The following URB1 variants were observed in gnomAD, a reference collection of about 807,000 sequenced individuals.
URB1 encodes URB1 ribosome biogenesis factor.
Under a neutral mutation model 242.3 loss-of-function variants are expected in URB1, and 197 were observed. The ratio of observed to expected loss-of-function variants is 0.81; its 90% CI spans 0.72 to 0.91. The LOEUF is 0.91. URB1 is among the 40% of genes least tolerant of loss of function. The probability of loss-of-function intolerance (pLI) is 0.00; values close to 1 mark genes in which losing one functional copy is unlikely to be tolerated. For synonymous variants in URB1, 1,153 were observed against 1,201.8 expected, an observed-to-expected ratio of 0.96 and a Z score of 0.84; for missense variants, 2,721 against 2,860.5, an observed-to-expected ratio of 0.95 and a Z score of 1.11.
In URB1 at chr21:32,321,868, G is replaced by A; in HGVS notation, c.5417C>T (p.Ala1806Val). The A allele has an allele frequency of 6.4e-7, 1 of 1,551,718 alleles. No individual in the cohort carries two copies. Among genetic ancestry groups the A allele is most frequent in the Non-Finnish European group, 8.7e-7 (1 of 1,147,006 alleles). The change falls in exon 34 of 39, where the codon GCC (alanine) becomes GTC (valine). Residue 1806 changes from alanine (A) to valine (V), a missense_variant. Transcript: ENST00000382751. ...IRDKQCYELC[A>V]RRGIFHIILS... ...GATGATGTGGAAGATGCCACGCCGG[G>A]CACACAGTTCGTAGCACTGCTTGTC...
intron 21 of URB1, among the ~76,000 whole-genome samples, chr21:32,348,387 A>T (rs2033118859): frequency 6.6e-6 from 1 of 152,166 alleles, no homozygotes; most frequent in Non-Finnish European, 1.5e-5. Flanking sequence ...ATTGAAAGTA[A>T]TCCTGTCTCC....
intron 11 of URB1, among the ~76,000 whole-genome samples, chr21:32,362,531 A>T (rs2033300802): frequency 6.6e-6 from 1 of 152,162 alleles, no homozygotes; most frequent in African/African-American, 2.4e-5. Context: ...TAATTTCTAG[A>T]ACTATACACA....
Position 32,321,842 on chromosome 21 carries a change from G to A in URB1, c.5443C>T (p.Leu1815=). The A allele has an allele frequency of 1.3e-6, 2 of 1,551,768 alleles. No individual in the cohort carries two copies. Among genetic ancestry groups the A allele is most frequent in the Non-Finnish European group, 1.7e-6 (2 of 1,147,012 alleles). ...CARRGIFHII[L]SFFHSPLCDE... ...CACAGCGGGCTGTGGAAGAAGGACA[G>A]GATGATGTGGAAGATGCCACGCCGG... The change falls in exon 34 of 39, where the codon CTG becomes TTG. Residue 1815 remains leucine (L), a synonymous_variant. Transcript: ENST00000382751.
In URB1 at chr21:32,357,642, T is replaced by C; in HGVS notation, c.1884A>G (p.Ala628=). Residue 628 remains alanine, a synonymous_variant, in exon 15 of 39, where the codon GCA becomes GCG. Coordinates refer to ENST00000382751, the MANE Select transcript of URB1 (RefSeq NM_014825.3). ...LWLKAQEGPD[A]EIIGGERSVF... is the part of the protein sequence containing the mutation. ...CTGATCGTTCACCTCCAATAATTTCTGCATCTGGGCCTTCCTAGAGTTTAA... is the reference window on the plus strand; with the variant it reads ...CTGATCGTTCACCTCCAATAATTTCCGCATCTGGGCCTTCCTAGAGTTTAA... 1 of 1,502,932 alleles carries C rather than the reference T, an allele frequency of 6.7e-7. No homozygotes were observed. The highest frequency in any genetic ancestry group is 8.9e-7 in the Non-Finnish European group (1 of 1,126,998). 93.1% of individuals were successfully genotyped at this position (1,502,932 alleles called of 1,614,324 possible). A position where few individuals can be genotyped will look rare whatever the true frequency, so the allele number is the denominator to read the frequency against.
intron 5 of URB1, chr21:32,377,127 A>C (rs968396940): frequency 5.9e-6 from 3 of 508,572 alleles, no homozygotes; most frequent in Non-Finnish European, 1.2e-5. Context: ...GGGATAAATG[A>C]CTAGACATGG....
chr21:32,328,837 G>A (rs1892653), intron 30 of URB1, among the ~76,000 whole-genome samples: 128,170 of 152,208 alleles, frequency 0.84, 54,398 homozygotes, highest in Admixed American at 0.9. Context: ...CTGAAAACAT[G>A]ATAGGCTATT....
In URB1 at chr21:32,314,802, TG is replaced by T. The variant is rs1226289141; in HGVS notation, c.*115del. 240 of 1,463,434 alleles carry T rather than the reference TG, an allele frequency of 1.6e-4. 3 individuals are homozygous for T. In the Middle Eastern group the frequency reaches 2.1e-3, roughly 13 times the overall value. The allele number at this position is 1,463,434 out of a possible 1,614,324, so 90.7% of individuals were successfully genotyped here. On this transcript the variant is annotated 3_prime_UTR_variant, in exon 39 of 39. Transcript: ENST00000382751. ...TTGTCAAAGAACTGAGCCAATGTAC[TG>T]AACCTGTTGTTTCCCATGCCTTCTC...
In URB1 at chr21:32,359,792, C is replaced by T. The variant is rs1482098705; in HGVS notation, c.1869+4G>A. On this transcript the variant is annotated splice_donor_region_variant and intron_variant, in intron 14 of 38. Coordinates refer to ENST00000382751, the MANE Select transcript of URB1 (RefSeq NM_014825.3). Reference sequence around the variant, plus strand: ...GGCAGAAGACTGGGAGTTCTGCTTCCTACCTGTGCCTTTAACCACAGAAAC... The same window carrying T: ...GGCAGAAGACTGGGAGTTCTGCTTCTTACCTGTGCCTTTAACCACAGAAAC... 6.5e-7 allele frequency: 1 copy of T among 1,540,892 alleles called. No homozygotes were observed. Among genetic ancestry groups the T allele is most frequent in the Non-Finnish European group, 8.7e-7 (1 of 1,143,934 alleles).
In URB1 at chr21:32,314,551, C is replaced by CT; in HGVS notation, c.*366dup. ...AATCTGATACCTTTTGACATTTCAG[C>CT]TTTAACACAGATGAATCTCTTCTGC... On this transcript the variant is annotated 3_prime_UTR_variant, in exon 39 of 39. Transcript: ENST00000382751. 1.9e-6 allele frequency: 3 copies of CT among 1,613,432 alleles called. No homozygotes were observed. The highest frequency in any genetic ancestry group is 2.5e-6 in the Non-Finnish European group (3 of 1,179,328).
chr21:32,329,217 G>C (rs2032865582), intron 30 of URB1, among the ~76,000 whole-genome samples: 1 of 152,162 alleles, frequency 6.6e-6, no homozygotes, highest in Admixed American at 6.5e-5. Flanking sequence ...AGTGAGCCAT[G>C]ATCATGCCAC....
At chr21:32,332,795 A>C (rs1330059051) in intron 30 of URB1, among the ~76,000 whole-genome samples, 1 of 152,084 alleles carries the variant, frequency 6.6e-6, no homozygotes, top group African/African-American at 2.4e-5. Context: ...AAGAGACCTG[A>C]CCAGCCTGGG....
At position 32,313,696 on chromosome 21, in the gene URB1, T is replaced by C. The variant is rs967025077; in HGVS notation, c.*1222A>G. 1 of 152,168 alleles carries C rather than the reference T, an allele frequency of 6.6e-6. No homozygotes were observed. Among genetic ancestry groups the C allele is most frequent in the African/African-American group, 2.4e-5 (1 of 41,418 alleles). 9.4% of individuals were successfully genotyped at this position (152,168 alleles called of 1,614,324 possible). The stretch of plus-strand genomic sequence containing the variant: ...CAAAACCAAGGCATTGTCAGCACGA[T>C]GTACATTATACGGCAGATAAAACAG... On this transcript the variant is annotated 3_prime_UTR_variant, in exon 39 of 39. Transcript: ENST00000382751.
intron 28 of URB1, chr21:32,335,321 C>G (rs1242258774): frequency 6.5e-6 from 1 of 152,722 alleles, no homozygotes; most frequent in African/African-American, 2.4e-5. Context: ...CAAATGCCAA[C>G]CCTGGCACGA....
In URB1 at chr21:32,311,449, G is replaced by T; in HGVS notation, c.*3469C>A. ...ATCCTAAATCAATGTAGGAAGAAGT[G>T]GCCTCCAGGGAAAGACCTGAGGCCT... On this transcript the variant is annotated 3_prime_UTR_variant, in exon 39 of 39. Coordinates refer to ENST00000382751, the MANE Select transcript of URB1 (RefSeq NM_014825.3). 1 of 271,674 alleles carries T rather than the reference G, an allele frequency of 3.7e-6. No homozygotes were observed. The highest frequency in any genetic ancestry group is 6.8e-6 in the Non-Finnish European group (1 of 146,740). The allele number at this position is 271,674 out of a possible 1,614,324, so 16.8% of individuals were successfully genotyped here.
chr21:32,345,351 G>A, intron 23 of URB1, 23 bp downstream of exon 23: 1 of 1,546,024 alleles, frequency 6.5e-7, no homozygotes, highest in Non-Finnish European at 8.7e-7. Flanking sequence ...GGAACATCCT[G>A]CAACCAACCT....
At chr21:32,316,435 C>T (rs2032686095) in intron 38 of URB1, 31 bp downstream of exon 38, 1 of 1,467,644 alleles carries the variant, frequency 6.8e-7, no homozygotes, top group Non-Finnish European at 9.0e-7. Context: ...GCATCTATTT[C>T]TTCAGCCTCC....
intron 38 of URB1, among the ~76,000 whole-genome samples, chr21:32,316,177 C>A (rs559779636): frequency 6.6e-6 from 1 of 150,674 alleles, no homozygotes; most frequent in East Asian, 2.0e-4. Context: ...CCATTGCCTG[C>A]GGGGTGGAGG....
Position 32,352,697 on chromosome 21 carries a change from G to A in URB1, c.2613+13C>T. ...GCACAGCAGCAGTGACCACAGCTGT[G>A]GCTGCAGCTCACCCAGGCCTCTCGG... On this transcript the variant is annotated intron_variant, in intron 19 of 38. Coordinates refer to ENST00000382751, the MANE Select transcript of URB1 (RefSeq NM_014825.3). 1.3e-6 allele frequency: 2 copies of A among 1,550,406 alleles called. No homozygotes were observed. The highest frequency in any genetic ancestry group is 1.7e-6 in the Non-Finnish European group (2 of 1,146,816).
intron 7 of URB1, among the ~76,000 whole-genome samples, chr21:32,373,057 C>G (rs2033422903): frequency 6.6e-6 from 1 of 152,156 alleles, no homozygotes; most frequent in Non-Finnish European, 1.5e-5. Flanking sequence ...AACAGGAAGT[C>G]TGTGCCTTTA....
Sources: gnomAD v4.1 joint callset for allele counts (sites outside exome capture counted in the v4.1 genomes callset) on GRCh38, gnomAD v4.1.1 for gene constraint, MANE v1.5 for transcripts, NCBI Gene and HGNC (gene_info 2026-07-23, HGNC 2026-07-21) for gene names.